RGS22: variants seen among roughly 807,000 people sequenced by gnomAD.
The protein encoded by RGS22 is regulator of G-protein signaling 22.
A neutral mutation model predicts 172.9 loss-of-function variants in RGS22; 148 were observed. The ratio of observed to expected loss-of-function variants is 0.86; its 90% CI spans 0.75 to 0.98. The LOEUF (loss-of-function observed/expected upper bound fraction) is 0.98, where lower values mean the gene tolerates loss of function less well. Among genes scored for constraint, RGS22 ranks in the 50% least tolerant of loss-of-function variants. RGS22 has a pLI of 0.00. For synonymous variants in RGS22, 458 were observed against 480.2 expected (o/e 0.95, Z 0.60); for missense variants, 1,347 against 1,440.8 (o/e 0.93, Z 1.05).
At chr8:99,971,689 A>C (rs1588876898) in intron 23 of RGS22, among the ~76,000 whole-genome samples, 1 of 152,244 alleles carries the variant, frequency 6.6e-6, no homozygotes, top group African/African-American at 2.4e-5. Context: ...GGACATCTTC[A>C]AGGAGAACTA....
chr8:100,082,974 C>A (rs1811876469), intron 3 of RGS22, among the ~76,000 whole-genome samples: 1 of 152,116 alleles, frequency 6.6e-6, no homozygotes, highest in Non-Finnish European at 1.5e-5. Flanking sequence ...AGAAAAAAGA[C>A]TTGAAGTAGA....
intron 2 of RGS22, among the ~76,000 whole-genome samples, chr8:100,102,639 G>C (rs940640690): frequency 1.7e-4 from 26 of 152,212 alleles, no homozygotes; most frequent in Admixed American, 6.5e-4. Context: ...CTTCATGGAG[G>C]AGATTAGCTG....
chr8:100,086,593 A>C (rs1370937810), intron 3 of RGS22, among the ~76,000 whole-genome samples: 2 of 152,178 alleles, frequency 1.3e-5, no homozygotes, highest in East Asian at 1.9e-4. Flanking sequence ...GGGCTGAAAA[A>C]CTACTGGGTA....
rs1158659030 is a variant in RGS22, at chr8:99,976,446, C to CCG, written c.3519+1469_3519+1470dup. On this transcript the variant is annotated intron_variant, in intron 23 of 27. Coordinates refer to ENST00000360863, the MANE Select transcript of RGS22 (RefSeq NM_015668.5). ...GCGCCATCTCGGCTCACTGCAAGCT[C>CCG]CGCCTCCCGGGTTCACGCCATTCTC... Among the ~76,000 whole-genome samples, 7 of 152,254 alleles carry CCG rather than the reference C, an allele frequency of 4.6e-5. No individual in the cohort carries two copies. The South Asian group carries it at 1.5e-3, about 32-fold the overall frequency.
intron 23 of RGS22, among the ~76,000 whole-genome samples, chr8:99,970,335 GAACA>G (rs560697249): frequency 4.7e-4 from 71 of 151,996 alleles, no homozygotes; most frequent in African/African-American, 1.6e-3. Context: ...AGAGAAGAAA[GAACA>G]AACAAATTCA....
At chr8:100,006,254 A>G in intron 15 of RGS22, 145 bp from the exon 16 acceptor site, 1 of 635,444 alleles carries the variant, frequency 1.6e-6, no homozygotes, top group South Asian at 2.1e-5. Flanking sequence ...AAGATTAGCT[A>G]CAGCAGGGTC....
chr8:100,045,819 C>T (rs952631762), intron 11 of RGS22, among the ~76,000 whole-genome samples: 4 of 151,302 alleles, frequency 2.6e-5, no homozygotes, highest in Non-Finnish European at 5.9e-5. Context: ...CTTGTTTCAT[C>T]ACCTGAAAAA....
intron 3 of RGS22, among the ~76,000 whole-genome samples, chr8:100,084,097 A>T (rs1811987085): frequency 6.6e-6 from 1 of 152,128 alleles, no homozygotes; most frequent in South Asian, 2.1e-4. Flanking sequence ...TTGGCCTCCC[A>T]AAGTGCTGGG....
At chr8:100,014,282 C>A (rs1356100984) in intron 14 of RGS22, among the ~76,000 whole-genome samples, 1 of 152,232 alleles carries the variant, frequency 6.6e-6, no homozygotes, top group East Asian at 1.9e-4. Flanking sequence ...TACCTCTCCA[C>A]TGATTCCATT....
rs1234839515 is a variant in RGS22 at position 100,052,972 on chromosome 8, G to A, written c.1519C>T (p.Pro507Ser). ...VLKPLLLYWA[P>S]RFCVTHSAST... ...GCTGAATGAGTAACACAGAATCTTG[G>A]TGCCCTGTTTATTGGAAAAATAAAT... The change falls in exon 10 of 28, where the codon CCA (proline) becomes TCA (serine). Residue 507 changes from proline (P) to serine (S), a missense_variant. Transcript: ENST00000360863. The A allele has an allele frequency of 1.9e-6, 3 of 1,613,238 alleles. No individual in the cohort carries two copies. Among genetic ancestry groups the A allele is most frequent in the South Asian group, 1.1e-5 (1 of 90,876 alleles).
intron 14 of RGS22, among the ~76,000 whole-genome samples, chr8:100,012,246 G>A (rs540946943): frequency 3.1e-4 from 47 of 152,180 alleles, no homozygotes; most frequent in African/African-American, 1.1e-3. Flanking sequence ...AATTTGCAGG[G>A]TAGAGTATCA....
intron 20 of RGS22, among the ~76,000 whole-genome samples, chr8:99,989,034 T>C (rs1588914690): frequency 2.6e-5 from 4 of 152,008 alleles, no homozygotes; most frequent in Admixed American, 2.6e-4. Flanking sequence ...TAATAAAATA[T>C]ATGTAATAAT....
At chr8:99,984,305 A>C (rs1240552499) in intron 21 of RGS22, among the ~76,000 whole-genome samples, 1 of 152,154 alleles carries the variant, frequency 6.6e-6, no homozygotes, top group Non-Finnish European at 1.5e-5. Flanking sequence ...AAAAGAAAAG[A>C]AAAAGCCTAT....
intron 4 of RGS22, among the ~76,000 whole-genome samples, chr8:100,076,574 C>T (rs1386715818): frequency 1.3e-5 from 2 of 152,296 alleles, no homozygotes; most frequent in African/African-American, 4.8e-5. Flanking sequence ...ACCAGTGAAG[C>T]CATCTGGGCC....
intron 23 of RGS22, among the ~76,000 whole-genome samples, chr8:99,973,005 C>T (rs1811539809): frequency 7.0e-6 from 1 of 142,578 alleles, no homozygotes; most frequent in Admixed American, 7.0e-5. Context: ...AAAAAAAAGT[C>T]AGGAAACAAT....
chr8:100,090,159 A>G (rs542944380), intron 3 of RGS22, among the ~76,000 whole-genome samples: 135 of 152,322 alleles, frequency 8.9e-4, no homozygotes, highest in Admixed American at 2.6e-3. Context: ...GGCGCTTAAC[A>G]TACGTTACCT....
chr8:100,001,024 C>T (rs1253984441), intron 18 of RGS22, among the ~76,000 whole-genome samples: 1 of 150,620 alleles, frequency 6.6e-6, no homozygotes, highest in Non-Finnish European at 1.5e-5. Flanking sequence ...TTCTTGTAAA[C>T]TACCAAACAA....
intron 14 of RGS22, among the ~76,000 whole-genome samples, chr8:100,010,743 G>T (rs1031154466): frequency 6.6e-6 from 1 of 151,490 alleles, no homozygotes; most frequent in African/African-American, 2.4e-5. Flanking sequence ...CCCTAGAAAA[G>T]ACTCATTTAT....
In RGS22 at chr8:100,063,858, T is replaced by G; in HGVS notation, c.910A>C (p.Ser304Arg). The G allele has an allele frequency of 6.2e-7, 1 of 1,611,706 alleles. No homozygotes were observed. Among genetic ancestry groups the G allele is most frequent in the East Asian group, 2.2e-5 (1 of 44,830 alleles). The change falls in exon 8 of 28, where the codon AGC becomes CGC. Residue 304 changes from serine (S) to arginine (R), a missense_variant. Coordinates refer to ENST00000360863, the MANE Select transcript of RGS22 (RefSeq NM_015668.5). ...YLEKKQDVDE[S>R]LTMHFSTCEE... ...CATGTTGAGAAATGCATTGTCAGGC[T>G]TTCATCAACATCCTGTTTCTTTTCA... is the stretch of plus-strand genomic sequence containing the variant.
Sources: gnomAD v4.1 joint callset for allele counts (sites outside exome capture counted in the v4.1 genomes callset) on GRCh38, gnomAD v4.1.1 for gene constraint, MANE v1.5 for transcripts, NCBI Gene and HGNC (gene_info 2026-07-23, HGNC 2026-07-21) for gene names.